Variants in MCTP1 observed in about 807,000 individuals in gnomAD.
The protein encoded by MCTP1 is multiple C2 and transmembrane domain containing 1, also known as multiple C2 and transmembrane domain-containing protein 1.
A neutral mutation model predicts 120.6 loss-of-function variants in MCTP1; 69 were observed. The observed-to-expected ratio is 0.57, with a 90% CI of 0.47 to 0.70. MCTP1 has a LOEUF of 0.70. Ranked by LOEUF, MCTP1 falls within the 30% of genes least tolerant of loss-of-function variation. MCTP1 has a pLI of 0.00. For synonymous variants in MCTP1, 529 were observed against 493.1 expected (o/e 1.07, Z -0.96); for missense variants, 1,203 against 1,248.8 (o/e 0.96, Z 0.55).
intron 1 of MCTP1, among the ~76,000 whole-genome samples, chr5:95,095,149 G>A (rs995143735): frequency 2.0e-5 from 3 of 149,200 alleles, no homozygotes; most frequent in Non-Finnish European, 4.5e-5. Flanking sequence ...TCAGCCTCCC[G>A]AGTAGCTGGG....
At chr5:94,741,235 G>T (rs189351347) in intron 19 of MCTP1, among the ~76,000 whole-genome samples, 252 of 152,164 alleles carry the variant, frequency 1.7e-3, no homozygotes, top group African/African-American at 5.8e-3. Context: ...AAAATATTTG[G>T]CTTCTGGAAA....
At chr5:95,005,059 C>T (rs1834430802) in intron 2 of MCTP1, among the ~76,000 whole-genome samples, 1 of 152,198 alleles carries the variant, frequency 6.6e-6, no homozygotes, top group African/African-American at 2.4e-5. Context: ...TCTTGGGAGC[C>T]CATCCCTTGC....
chr5:95,026,279 A>G (rs1223109468), intron 1 of MCTP1, among the ~76,000 whole-genome samples: 2 of 152,170 alleles, frequency 1.3e-5, no homozygotes, highest in Admixed American at 6.6e-5. Context: ...TCAAGCATTT[A>G]CCCTTTGCGT....
intron 17 of MCTP1, among the ~76,000 whole-genome samples, chr5:94,823,080 T>C (rs1244774266): frequency 6.6e-6 from 1 of 152,230 alleles, no homozygotes; most frequent in Non-Finnish European, 1.5e-5. Flanking sequence ...ATTTTGGCTT[T>C]TGTTGACATT....
At chr5:95,008,273 T>C (rs1835156687) in intron 2 of MCTP1, among the ~76,000 whole-genome samples, 1 of 152,118 alleles carries the variant, frequency 6.6e-6, no homozygotes. Flanking sequence ...CTGGAAGACA[T>C]GCCTATTCTT....
At chr5:94,780,072 G>C (rs1048985393) in intron 18 of MCTP1, among the ~76,000 whole-genome samples, 1 of 151,822 alleles carries the variant, frequency 6.6e-6, no homozygotes, top group Admixed American at 6.6e-5. Context: ...TGTGGGAGAA[G>C]TGTTGTTATT....
chr5:95,218,337 C>T (rs1024710905), intron 1 of MCTP1, among the ~76,000 whole-genome samples: 1 of 152,090 alleles, frequency 6.6e-6, no homozygotes, highest in African/African-American at 2.4e-5. Context: ...AGGCCCATAA[C>T]AAGAGAAATG....
chr5:95,191,905 A>AT (rs1232755584), intron 1 of MCTP1, among the ~76,000 whole-genome samples: 3 of 152,032 alleles, frequency 2.0e-5, no homozygotes, highest in Non-Finnish European at 2.9e-5. Context: ...AGAGGTCTTC[A>AT]TTCTTTTCAC....
At chr5:94,789,508 G>A (rs970440107) in intron 18 of MCTP1, 2 of 152,172 alleles carry the variant, frequency 1.3e-5, no homozygotes, top group African/African-American at 2.4e-5. Context: ...TGAGTAAAAG[G>A]ATAGCCAATA....
chr5:95,050,403 G>GA (rs1285325122), intron 1 of MCTP1, among the ~76,000 whole-genome samples: 3 of 152,120 alleles, frequency 2.0e-5, no homozygotes, highest in African/African-American at 7.2e-5. Flanking sequence ...CTGACAATCT[G>GA]AAAAAAATCT....
intron 5 of MCTP1, among the ~76,000 whole-genome samples, chr5:94,932,907 A>G (rs1561880987): frequency 6.6e-6 from 1 of 152,008 alleles, no homozygotes; most frequent in African/African-American, 2.4e-5. Flanking sequence ...ACCATAAAAA[A>G]GAACCATGTC....
chr5:95,035,928 A>T (rs1189471818), intron 1 of MCTP1, among the ~76,000 whole-genome samples: 1 of 152,118 alleles, frequency 6.6e-6, no homozygotes, highest in Non-Finnish European at 1.5e-5. Context: ...GTAGGCTTTT[A>T]GTACTCTTGT....
At chr5:94,919,510 C>G (rs1330728363) in intron 7 of MCTP1, among the ~76,000 whole-genome samples, 1 of 152,144 alleles carries the variant, frequency 6.6e-6, no homozygotes, top group African/African-American at 2.4e-5. Context: ...ACAACCTAAT[C>G]TTTCCAAATG....
rs532476047 is a variant in MCTP1, at chr5:95,136,167, C to T, written c.721-118683G>A. 2.4e-4 allele frequency among the ~76,000 whole-genome samples: 36 copies of T among 152,320 alleles called. 1 individual carries two copies. The highest frequency in any genetic ancestry group is 7.7e-4 in the African/African-American group (32 of 41,580). Reference sequence around the variant, plus strand: ...TTCTAAGCCTTGGTATCCCTTCTCCCTCTCTTCAACCTTATCCACTGGTCT... The same window carrying T: ...TTCTAAGCCTTGGTATCCCTTCTCCTTCTCTTCAACCTTATCCACTGGTCT... On this transcript the variant is annotated intron_variant, in intron 1 of 22. Transcript: ENST00000515393.
chr5:94,847,680 G>GTATATA (rs1302413305), intron 17 of MCTP1, among the ~76,000 whole-genome samples: 248 of 108,414 alleles, frequency 2.3e-3, no homozygotes, highest in African/African-American at 5.8e-3. Flanking sequence ...GTGTGTGTGT[G>GTATATA]TGTATATATA....
At chr5:95,036,412 G>C (rs962255185) in intron 1 of MCTP1, among the ~76,000 whole-genome samples, 1 of 152,092 alleles carries the variant, frequency 6.6e-6, no homozygotes, top group African/African-American at 2.4e-5. Flanking sequence ...ATGGATTTAC[G>C]TCTACAAAAC....
intron 19 of MCTP1, among the ~76,000 whole-genome samples, chr5:94,754,956 T>C (rs1769408582): frequency 6.6e-6 from 1 of 152,164 alleles, no homozygotes; most frequent in Admixed American, 6.5e-5. Flanking sequence ...TACAACTCAT[T>C]CTGGGCTGCC....
intron 1 of MCTP1, among the ~76,000 whole-genome samples, chr5:95,242,350 G>A (rs1019357011): frequency 6.6e-6 from 1 of 152,058 alleles, no homozygotes; most frequent in South Asian, 2.1e-4. Flanking sequence ...CTAATGGTTG[G>A]CATCTTTTTA....
intron 1 of MCTP1, among the ~76,000 whole-genome samples, chr5:95,026,392 A>G (rs1036257078): frequency 2.6e-5 from 4 of 151,878 alleles, no homozygotes; most frequent in Non-Finnish European, 5.9e-5. Context: ...GATCTTATTC[A>G]TTCTTTCTAA....
Sources: gnomAD v4.1 joint callset for allele counts (sites outside exome capture counted in the v4.1 genomes callset) on GRCh38, gnomAD v4.1.1 for gene constraint, MANE v1.5 for transcripts, NCBI Gene and HGNC (gene_info 2026-07-23, HGNC 2026-07-21) for gene names.